The following PRRX1 variants were observed in gnomAD, a reference collection of about 807,000 sequenced individuals.
PRRX1 encodes paired mesoderm homeobox protein 1.
In PRRX1, 8 loss-of-function variants were observed where a neutral mutation model predicts 24.0. That is an observed-to-expected ratio of 0.33 (90% CI 0.20 to 0.60). The LOEUF is 0.60. Among genes scored for constraint, PRRX1 ranks in the 20% least tolerant of loss-of-function variants. The probability of loss-of-function intolerance (pLI) is 0.82; values close to 1 mark genes in which losing one functional copy is unlikely to be tolerated. For synonymous variants in PRRX1, 160 were observed against 131.7 expected (o/e 1.22, Z -1.47); for missense variants, 281 against 322.4 (o/e 0.87, Z 0.98).
chr1:170,684,118 A>G (rs1249358162), intron 1 of PRRX1, among the ~76,000 whole-genome samples: 2 of 152,188 alleles, frequency 1.3e-5, no homozygotes, highest in African/African-American at 4.8e-5. Context: ...CATGATTTTA[A>G]CATATCTGCT....
chr1:170,684,782 A>T (rs1431323351), intron 1 of PRRX1, among the ~76,000 whole-genome samples: 1 of 152,182 alleles, frequency 6.6e-6, no homozygotes, highest in African/African-American at 2.4e-5. Flanking sequence ...TGGAACTCAG[A>T]TACTTTAAGC....
At chr1:170,724,334 C>T (rs1019701773) in intron 2 of PRRX1, among the ~76,000 whole-genome samples, 1 of 152,046 alleles carries the variant, frequency 6.6e-6, no homozygotes, top group African/African-American at 2.4e-5. Context: ...TTGTTTTTGA[C>T]GTTTTCATCA....
At chr1:170,673,276 A>G (rs961834273) in intron 1 of PRRX1, among the ~76,000 whole-genome samples, 1 of 152,198 alleles carries the variant, frequency 6.6e-6, no homozygotes, top group African/African-American at 2.4e-5. Flanking sequence ...AACATTAAAT[A>G]ATTATGTACA....
chr1:170,722,114 A>G (rs1655105550), intron 2 of PRRX1, among the ~76,000 whole-genome samples: 1 of 152,034 alleles, frequency 6.6e-6, no homozygotes, highest in African/African-American at 2.4e-5. Context: ...AATGACTTTT[A>G]GAGTAGTGAA....
At chr1:170,663,042 T>TTCTC (rs137942748), upstream of PRRX1, 4 of 148,566 alleles carry the variant, frequency 2.7e-5, no homozygotes, top group African/African-American at 4.9e-5. Flanking sequence ...TCTTCTCTCT[T>TTCTC]TCTCTCTCTC....
chr1:170,678,624 A>G (rs1192891516), intron 1 of PRRX1, among the ~76,000 whole-genome samples: 1 of 152,188 alleles, frequency 6.6e-6, no homozygotes, highest in East Asian at 1.9e-4. Context: ...CATATTGTGT[A>G]GGATCTCTAA....
chr1:170,667,310 G>GCA (rs35009775), intron 1 of PRRX1: 20,395 of 149,886 alleles, frequency 0.14, 1,684 homozygotes, highest in Non-Finnish European at 0.18. Flanking sequence ...GCGCGCGCGC[G>GCA]CACACACACA....
upstream of PRRX1, chr1:170,663,632 C>A (rs1652802217): frequency 1.3e-5 from 2 of 152,234 alleles, no homozygotes; most frequent in Admixed American, 1.3e-4. Context: ...GGGGGGAACA[C>A]GTTTTCTTGA....
At chr1:170,675,743 A>G (rs1653301507) in intron 1 of PRRX1, among the ~76,000 whole-genome samples, 1 of 152,176 alleles carries the variant, frequency 6.6e-6, no homozygotes. Context: ...ATTTTTCCCA[A>G]GCAAGTGGAG....
chr1:170,722,670 T>C (rs1345522137), intron 2 of PRRX1: 1 of 152,222 alleles, frequency 6.6e-6, no homozygotes, highest in African/African-American at 2.4e-5. Context: ...AACTATCCTG[T>C]AAGTAGATAT....
intron 3 of PRRX1, 91 bp downstream of exon 3, chr1:170,726,492 T>G: frequency 2.1e-6 from 3 of 1,441,024 alleles, no homozygotes; most frequent in Non-Finnish European, 2.9e-6. Flanking sequence ...CTCACCGACA[T>G]TTCTTACTGG....
chr1:170,663,073 CCTCCCTCCCTCT>C (rs969784457), upstream of PRRX1: 10 of 151,130 alleles, frequency 6.6e-5, no homozygotes, highest in Non-Finnish European at 1.3e-4. Context: ...TTCCTCCCTC[CCTCCCTCCCTCT>C]CTCCCTCCCT....
chr1:170,711,047 G>A (rs775523473), intron 1 of PRRX1, among the ~76,000 whole-genome samples: 4 of 152,148 alleles, frequency 2.6e-5, no homozygotes, highest in Middle Eastern at 3.4e-3. Context: ...TTTACACTTC[G>A]ACTTTTCTTA....
intron 1 of PRRX1, among the ~76,000 whole-genome samples, chr1:170,673,948 A>G (rs968963288): frequency 1.3e-5 from 2 of 152,158 alleles, no homozygotes; most frequent in Non-Finnish European, 2.9e-5. Flanking sequence ...CTTGTCCTTA[A>G]TGTGTTGGTT....
intron 2 of PRRX1, among the ~76,000 whole-genome samples, chr1:170,725,414 G>A (rs1198169260): frequency 6.6e-6 from 1 of 152,152 alleles, no homozygotes; most frequent in African/African-American, 2.4e-5. Flanking sequence ...CCAACTTTCA[G>A]TGCCTGCATT....
At chr1:170,679,060 G>T (rs111514933) in intron 1 of PRRX1, among the ~76,000 whole-genome samples, 3 of 152,218 alleles carry the variant, frequency 2.0e-5, no homozygotes, top group Non-Finnish European at 4.4e-5. Flanking sequence ...TATTTTCCTC[G>T]TGACATCCAC....
chr1:170,726,567 G>T, intron 3 of PRRX1, 166 bp downstream of exon 3: 3 of 819,964 alleles, frequency 3.7e-6, no homozygotes, highest in Non-Finnish European at 5.6e-6. Context: ...ATTATAAGCT[G>T]CCCCAGCAGC....
At chr1:170,712,953 T>C (rs977921566) in intron 1 of PRRX1, among the ~76,000 whole-genome samples, 6 of 152,202 alleles carry the variant, frequency 3.9e-5, no homozygotes, top group African/African-American at 1.4e-4. Context: ...AACTGGTAAT[T>C]CATCCATAGA....
intron 3 of PRRX1, chr1:170,727,413 A>C (rs980554820): frequency 6.6e-6 from 1 of 152,186 alleles, no homozygotes; most frequent in African/African-American, 2.4e-5. Flanking sequence ...TCAGTGGAGG[A>C]AGAACTATTC....
Sources: gnomAD v4.1 joint callset for allele counts (sites outside exome capture counted in the v4.1 genomes callset) on GRCh38, gnomAD v4.1.1 for gene constraint, MANE v1.5 for transcripts, NCBI Gene and HGNC (gene_info 2026-07-23, HGNC 2026-07-21) for gene names.